The following MEGF10 variants were observed in gnomAD, a reference collection of about 807,000 sequenced individuals.
MEGF10 encodes multiple EGF like domains 10.
Under a neutral mutation model 147.5 loss-of-function variants are expected in MEGF10, and 86 were observed. The ratio of observed to expected loss-of-function variants is 0.58; its 90% CI spans 0.49 to 0.70. The LOEUF (loss-of-function observed/expected upper bound fraction) is 0.70. Ranked by LOEUF, MEGF10 falls within the 30% of genes least tolerant of loss-of-function variation. The pLI, the probability that MEGF10 is intolerant of heterozygous loss-of-function variation, is 0.00. For missense variants in MEGF10, 1,329 were observed against 1,487.3 expected (o/e 0.89, Z 1.75); for synonymous variants, 478 against 525.5 (o/e 0.91, Z 1.24).
the MEGF10 span, among the ~76,000 whole-genome samples, chr5:127,282,752 G>A: frequency 6.6e-6 from 1 of 152,172 alleles, no homozygotes; most frequent in African/African-American, 2.4e-5. Context: ...TGGAAGGATG[G>A]TGTATCAGGC....
At chr5:127,359,981 G>A (rs1240001150) in intron 4 of MEGF10, among the ~76,000 whole-genome samples, 1 of 152,004 alleles carries the variant, frequency 6.6e-6, no homozygotes, top group Non-Finnish European at 1.5e-5. Context: ...GGAAATGTTT[G>A]GTATTGCTTT....
chr5:127,373,033 T>C (rs1762900290), intron 5 of MEGF10, among the ~76,000 whole-genome samples: 2 of 152,240 alleles, frequency 1.3e-5, no homozygotes, highest in Non-Finnish European at 2.9e-5. Context: ...CTGCATTTAT[T>C]CAAACATTTA....
the MEGF10 span, among the ~76,000 whole-genome samples, chr5:127,248,955 T>C: frequency 4.0e-5 from 6 of 151,746 alleles, no homozygotes; most frequent in African/African-American, 1.2e-4. Flanking sequence ...ACAATAGCCA[T>C]GGTACTAAAA....
At chr5:127,300,440 C>T (rs1419760460) in intron 1 of MEGF10, among the ~76,000 whole-genome samples, 2 of 152,098 alleles carry the variant, frequency 1.3e-5, no homozygotes, top group African/African-American at 4.8e-5. Flanking sequence ...CTTTTGTAGG[C>T]ATAGGATGCT....
Position 127,398,750 on chromosome 5 carries a change from T to C in MEGF10, c.734T>C (p.Val245Ala), listed in dbSNP as rs1411059435. The change falls in exon 7 of 25, where the codon GTG becomes GCG. Residue 245 changes from valine (V) to alanine (A), a missense_variant. Physicochemically the swap from Val to Ala is moderately conservative, Grantham distance 64 (BLOSUM62 0). Coordinates refer to ENST00000503335, the MANE Select transcript of MEGF10 (RefSeq NM_001256545.2). ...EQRCPCQNGG[V>A]CHHVTGECSC... Reference sequence around the variant, plus strand: ...AGATGCCCTTGTCAAAATGGAGGAGTGTGTCATCACGTCACTGGAGAATGC... The same window carrying C: ...AGATGCCCTTGTCAAAATGGAGGAGCGTGTCATCACGTCACTGGAGAATGC... The C allele has an allele frequency of 1.1e-5, 18 of 1,613,634 alleles. No homozygotes were observed. The highest frequency in any genetic ancestry group is 1.4e-5 in the Non-Finnish European group (17 of 1,179,870).
the MEGF10 span, among the ~76,000 whole-genome samples, chr5:127,273,703 T>A: frequency 2.0e-5 from 3 of 152,230 alleles, no homozygotes; most frequent in Admixed American, 2.0e-4. Flanking sequence ...AATTACATGA[T>A]AAGGTCATAC....
the MEGF10 span, among the ~76,000 whole-genome samples, chr5:127,271,650 TAGTG>T: frequency 1.3e-5 from 2 of 152,032 alleles, no homozygotes; most frequent in Admixed American, 6.5e-5. Context: ...GTTCTCCTGA[TAGTG>T]AGTGAGTTCT....
rs1369198393 is a variant in MEGF10 at position 127,459,393 on chromosome 5, T to A, written c.*2075T>A. On this transcript the variant is annotated 3_prime_UTR_variant, in exon 25 of 25. Coordinates refer to ENST00000503335, the MANE Select transcript of MEGF10 (RefSeq NM_001256545.2). Reference sequence around the variant, plus strand: ...TTTATTCCAATAGTTAACCACTGGCTGGCTCCCAACTCTAGGTGATAGGCA... The same window carrying A: ...TTTATTCCAATAGTTAACCACTGGCAGGCTCCCAACTCTAGGTGATAGGCA... 6.6e-6 allele frequency: 1 copy of A among 152,236 alleles called. No individual in the cohort carries two copies. The highest frequency in any genetic ancestry group is 1.5e-5 in the Non-Finnish European group (1 of 68,040). 9.4% of individuals were successfully genotyped at this position (152,236 alleles called of 1,614,324 possible). A position where few individuals can be genotyped will look rare whatever the true frequency, so the allele number is the denominator to read the frequency against.
chr5:127,359,281 AT>A (rs370381039), intron 4 of MEGF10, among the ~76,000 whole-genome samples: 14,648 of 148,180 alleles, frequency 0.099, 848 homozygotes, highest in African/African-American at 0.16. Flanking sequence ...GTTAGCTCAG[AT>A]TTTTTTTTTT....
At chr5:127,443,585 C>T (rs1366868578) in intron 19 of MEGF10, among the ~76,000 whole-genome samples, 1 of 152,160 alleles carries the variant, frequency 6.6e-6, no homozygotes, top group East Asian at 1.9e-4. Context: ...TCATGCCCCT[C>T]CCTACTTCTA....
chr5:127,246,266 T>C, the MEGF10 span, among the ~76,000 whole-genome samples: 5 of 152,146 alleles, frequency 3.3e-5, no homozygotes, highest in African/African-American at 1.2e-4. Flanking sequence ...CATAGACTAC[T>C]ATGCAGCCGT....
chr5:127,447,007 G>T (rs1206719219), intron 20 of MEGF10, among the ~76,000 whole-genome samples: 1 of 152,072 alleles, frequency 6.6e-6, no homozygotes, highest in Non-Finnish European at 1.5e-5. Flanking sequence ...TTAAATAATT[G>T]GTTCTTTCAG....
At chr5:127,387,501 AG>A (rs1763475962) in intron 5 of MEGF10, among the ~76,000 whole-genome samples, 1 of 152,222 alleles carries the variant, frequency 6.6e-6, no homozygotes, top group Non-Finnish European at 1.5e-5. Context: ...CATTTGTTCT[AG>A]AATGTTCCCC....
intron 4 of MEGF10, among the ~76,000 whole-genome samples, chr5:127,353,031 T>C (rs535522213): frequency 2.7e-4 from 41 of 152,332 alleles, no homozygotes; most frequent in South Asian, 2.5e-3. Flanking sequence ...AGACCTCAAC[T>C]GTCTGCAGTT....
chr5:127,329,032 A>T (rs1336466001), intron 1 of MEGF10, among the ~76,000 whole-genome samples: 1 of 152,174 alleles, frequency 6.6e-6, no homozygotes, highest in Non-Finnish European at 1.5e-5. Flanking sequence ...ATTCACATAA[A>T]TGGCTCAGTA....
chr5:127,370,001 TG>T lies in MEGF10; in HGVS notation c.412+1del, dbSNP rs1003868290. Reference sequence around the variant, plus strand: ...GCTGGGGAGGGACCAACTGCTCCAGTGGTAAGTTTCCACCTGCTGTTGTCTG... The same window carrying T: ...GCTGGGGAGGGACCAACTGCTCCAGTGTAAGTTTCCACCTGCTGTTGTCTG... ...PGWGGTNCSS[A>X]CDGDHWGPHC... On this transcript the variant is annotated frameshift_variant and splice_region_variant, in exon 5 of 25. Coordinates refer to ENST00000503335, the MANE Select transcript of MEGF10 (RefSeq NM_001256545.2). LOFTEE classifies it high-confidence loss of function. 3 of 1,612,362 alleles carry T rather than the reference TG, an allele frequency of 1.9e-6. No homozygotes were observed. Among genetic ancestry groups the T allele is most frequent in the African/African-American group, 2.7e-5 (2 of 74,836 alleles).
At chr5:127,417,467 A>C (rs1764819880) in intron 9 of MEGF10, among the ~76,000 whole-genome samples, 171 bp from the exon 10 acceptor site, 1 of 152,214 alleles carries the variant, frequency 6.6e-6, no homozygotes. Context: ...TGTAGTACCC[A>C]TCAGGTTTCA....
intron 2 of MEGF10, 102 bp from the exon 3 acceptor site, chr5:127,339,017 GT>G (rs1395070802): frequency 1.8e-6 from 1 of 567,716 alleles, no homozygotes; most frequent in African/African-American, 1.9e-5. Flanking sequence ...TCACTATGGA[GT>G]TGCAAATGGA....
At chr5:127,348,578 C>A (rs185141664) in intron 4 of MEGF10, among the ~76,000 whole-genome samples, 5 of 151,908 alleles carry the variant, frequency 3.3e-5, no homozygotes, top group Admixed American at 1.3e-4. Context: ...TGTGCACACA[C>A]GTATATGCAA....
Sources: allele counts gnomAD v4.1 joint callset (sites outside exome capture counted in the v4.1 genomes callset), GRCh38; gene constraint gnomAD v4.1.1; transcripts MANE v1.5; gene names NCBI Gene and HGNC (gene_info 2026-07-23, HGNC 2026-07-21).